ADAMTS3: variants seen among roughly 807,000 people sequenced by gnomAD.
The protein encoded by ADAMTS3 is ADAM metallopeptidase with thrombospondin type 1 motif 3.
In ADAMTS3, 73 loss-of-function variants were observed where a neutral mutation model predicts 129.0. That is an observed-to-expected ratio of 0.57 (90% CI 0.47 to 0.69). The LOEUF (loss-of-function observed/expected upper bound fraction) is 0.69. ADAMTS3 is among the 30% of genes least tolerant of loss of function. ADAMTS3 has a pLI of 0.00. For synonymous variants in ADAMTS3, 477 were observed against 510.8 expected, an observed-to-expected ratio of 0.93 and a Z score of 0.89; for missense variants, 1,457 against 1,514.5, an observed-to-expected ratio of 0.96 and a Z score of 0.63.
chr4:72,358,039 G>C (rs982445087), intron 4 of ADAMTS3, among the ~76,000 whole-genome samples: 5 of 151,866 alleles, frequency 3.3e-5, no homozygotes, highest in African/African-American at 1.2e-4. Context: ...AAAGTGATTT[G>C]ATAATAAAAG....
chr4:72,378,591 G>A (rs2109875959), intron 4 of ADAMTS3, among the ~76,000 whole-genome samples: 1 of 152,032 alleles, frequency 6.6e-6, no homozygotes, highest in South Asian at 2.1e-4. Context: ...GAATATAAGT[G>A]CTTCCTTTCA....
At chr4:72,392,987 G>T (rs371930119) in intron 4 of ADAMTS3, among the ~76,000 whole-genome samples, 1 of 148,380 alleles carries the variant, frequency 6.7e-6, no homozygotes, top group Non-Finnish European at 1.5e-5. Context: ...GTGCAATGGC[G>T]CAATCTCAGC....
intron 3 of ADAMTS3, among the ~76,000 whole-genome samples, chr4:72,471,724 A>G (rs942950047): frequency 9.2e-5 from 14 of 152,184 alleles, no homozygotes; most frequent in Non-Finnish European, 1.5e-5. Flanking sequence ...AAATATAGCT[A>G]CTTTTAGACA....
chr4:72,361,719 C>A (rs1045069177), intron 4 of ADAMTS3, among the ~76,000 whole-genome samples: 1 of 152,012 alleles, frequency 6.6e-6, no homozygotes, highest in Non-Finnish European at 1.5e-5. Context: ...AACACAATGC[C>A]CTTTCCTTCT....
chr4:72,320,687 A>C (rs2304362), intron 7 of ADAMTS3, 27 bp downstream of exon 7: 64,334 of 1,605,964 alleles, frequency 0.04, 6,183 homozygotes, highest in Admixed American at 0.34. Flanking sequence ...GCCCTCAAGT[A>C]TTTCTTCTAC....
intron 3 of ADAMTS3, among the ~76,000 whole-genome samples, chr4:72,467,161 G>A (rs1244362924): frequency 6.6e-6 from 1 of 152,010 alleles, no homozygotes; most frequent in Non-Finnish European, 1.5e-5. Flanking sequence ...TCACCTTTGA[G>A]TCACCTTTGT....
At chr4:72,307,355 G>A (rs1231833230) in intron 15 of ADAMTS3, among the ~76,000 whole-genome samples, 1 of 152,004 alleles carries the variant, frequency 6.6e-6, no homozygotes, top group Non-Finnish European at 1.5e-5. Context: ...GCCAAGTACA[G>A]CAAAACAGCT....
chr4:72,353,882 CA>C (rs1720506106), intron 4 of ADAMTS3, among the ~76,000 whole-genome samples: 1 of 151,876 alleles, frequency 6.6e-6, no homozygotes, highest in Non-Finnish European at 1.5e-5. Context: ...TCTAGAATTC[CA>C]TGTTGTGATT....
At chr4:72,347,617 G>A (rs1720323460) in intron 4 of ADAMTS3, among the ~76,000 whole-genome samples, 2 of 151,950 alleles carry the variant, frequency 1.3e-5, no homozygotes, top group Non-Finnish European at 2.9e-5. Context: ...AGACAGCACA[G>A]TTTTTAATTT....
intron 4 of ADAMTS3, among the ~76,000 whole-genome samples, chr4:72,395,297 T>C (rs1282066275): frequency 6.6e-6 from 1 of 152,174 alleles, no homozygotes; most frequent in Non-Finnish European, 1.5e-5. Flanking sequence ...ATTTTAAAAA[T>C]GATAGACTCC....
At chr4:72,530,565 TATTA>T (rs1320521499) in intron 3 of ADAMTS3, among the ~76,000 whole-genome samples, 2 of 65,088 alleles carry the variant, frequency 3.1e-5, no homozygotes, top group Non-Finnish European at 5.1e-5. Flanking sequence ...TTGATTTAAA[TATTA>T]ATTTAATATA....
chr4:72,527,264 T>C (rs1300207076), intron 3 of ADAMTS3, among the ~76,000 whole-genome samples: 1 of 152,156 alleles, frequency 6.6e-6, no homozygotes, highest in African/African-American at 2.4e-5. Context: ...CAACTAGCAT[T>C]TCCTTACAGA....
At chr4:72,516,194 A>G (rs910540176) in intron 3 of ADAMTS3, among the ~76,000 whole-genome samples, 2 of 151,962 alleles carry the variant, frequency 1.3e-5, no homozygotes, top group African/African-American at 4.8e-5. Flanking sequence ...CCATTGTTCT[A>G]TATCTCTGTT....
chr4:72,310,638 A>G (rs1719206477), intron 14 of ADAMTS3, among the ~76,000 whole-genome samples: 2 of 152,118 alleles, frequency 1.3e-5, no homozygotes, highest in South Asian at 4.1e-4. Context: ...AATTGATTGG[A>G]AGGTGAGAAA....
At chr4:72,455,293 C>T (rs187487391) in intron 3 of ADAMTS3, among the ~76,000 whole-genome samples, 94 of 151,482 alleles carry the variant, frequency 6.2e-4, no homozygotes, top group African/African-American at 2.2e-3. Context: ...TACAATGCAG[C>T]CATAAAAAAG....
At chr4:72,286,807 A>T (rs909678545) in intron 21 of ADAMTS3, among the ~76,000 whole-genome samples, 11 of 152,096 alleles carry the variant, frequency 7.2e-5, no homozygotes, top group Non-Finnish European at 1.3e-4. Flanking sequence ...AGAGTGCAAC[A>T]AACAGATGGG....
At chr4:72,517,017 C>G (rs778159525) in intron 3 of ADAMTS3, among the ~76,000 whole-genome samples, 1 of 152,094 alleles carries the variant, frequency 6.6e-6, no homozygotes, top group Non-Finnish European at 1.5e-5. Context: ...CCCATCAATA[C>G]CTAATTTATT....
chr4:72,398,631 G>T (rs1482697123), intron 4 of ADAMTS3, among the ~76,000 whole-genome samples: 1 of 151,938 alleles, frequency 6.6e-6, no homozygotes, highest in Non-Finnish European at 1.5e-5. Context: ...AGGATGAAAG[G>T]ACCCAAATTC....
At chr4:72,453,580 C>T (rs13101770) in intron 3 of ADAMTS3, among the ~76,000 whole-genome samples, 147,709 of 151,732 alleles carry the variant, frequency 0.97, 72,039 homozygotes, top group East Asian at 1. Context: ...CAAGCAATCA[C>T]ATCTAGTAAA....
Sources: gnomAD v4.1 joint callset for allele counts (sites outside exome capture counted in the v4.1 genomes callset) on GRCh38, gnomAD v4.1.1 for gene constraint, MANE v1.5 for transcripts, NCBI Gene and HGNC (gene_info 2026-07-23, HGNC 2026-07-21) for gene names.